The following RELN variants were observed in gnomAD, a reference collection of about 807,000 sequenced individuals.
RELN encodes reelin.
A neutral mutation model predicts 427.6 loss-of-function variants in RELN; 108 were observed. The ratio of observed to expected loss-of-function variants is 0.25; its 90% CI spans 0.22 to 0.30. RELN has a LOEUF of 0.30. Among genes scored for constraint, RELN ranks in the 10% least tolerant of loss-of-function variants. RELN has a pLI of 1.00. For synonymous variants in RELN, 1,524 were observed against 1,513.4 expected, an observed-to-expected ratio of 1.01 and a Z score of -0.16; for missense variants, 3,715 against 4,302.8, an observed-to-expected ratio of 0.86 and a Z score of 3.82.
chr7:103,907,353 TTGCAATAAGTTGAGATGATGTGCCAC>T (rs1795231764), intron 2 of RELN, among the ~76,000 whole-genome samples: 2 of 122,958 alleles, frequency 1.6e-5, no homozygotes, highest in Non-Finnish European at 1.6e-5. Flanking sequence ...GAGGTGGAGG[TTGCAATAAGTTGAGATGATGTGCCAC>T]TGCACTCCAG....
intron 31 of RELN, among the ~76,000 whole-genome samples, chr7:103,567,170 C>G (rs1176084618): frequency 6.6e-6 from 1 of 152,200 alleles, no homozygotes; most frequent in Non-Finnish European, 1.5e-5. Flanking sequence ...GCTGCTGACG[C>G]ACTAGGCAGT....
At chr7:103,744,282 A>G (rs2116033987) in intron 6 of RELN, among the ~76,000 whole-genome samples, 1 of 152,158 alleles carries the variant, frequency 6.6e-6, no homozygotes, top group South Asian at 2.1e-4. Context: ...ATGGAAATTT[A>G]TAGCACTAAA....
At chr7:103,677,432 A>C (rs1257094202) in intron 11 of RELN, among the ~76,000 whole-genome samples, 1 of 147,214 alleles carries the variant, frequency 6.8e-6, no homozygotes, top group African/African-American at 2.5e-5. Flanking sequence ...TAATAATAAT[A>C]ATAATAATAA....
chr7:103,905,555 C>A (rs959585128), intron 2 of RELN, among the ~76,000 whole-genome samples: 2 of 152,256 alleles, frequency 1.3e-5, no homozygotes, highest in East Asian at 1.9e-4. Context: ...CAGTCTATAC[C>A]CAAACACTTG....
At chr7:103,924,639 C>T (rs889269291) in intron 1 of RELN, among the ~76,000 whole-genome samples, 7 of 152,048 alleles carry the variant, frequency 4.6e-5, no homozygotes, top group African/African-American at 1.7e-4. Flanking sequence ...GGTACAGCAT[C>T]TCTGTGGAAC....
At chr7:103,664,676 T>G (rs772005156) in intron 11 of RELN, among the ~76,000 whole-genome samples, 2 of 152,180 alleles carry the variant, frequency 1.3e-5, no homozygotes, top group Non-Finnish European at 2.9e-5. Context: ...TTTGGCCTAT[T>G]AGATGATTAT....
Position 103,619,088 on chromosome 7 carries a change from G to A in RELN, c.2703-7285C>T, listed in dbSNP as rs370096519. Reference sequence around the variant, plus strand: ...TGCGCCACTGCACTCCAGCCTGGGCGACAGAGTGAGACTCCCTCTCAAATT... The same window carrying A: ...TGCGCCACTGCACTCCAGCCTGGGCAACAGAGTGAGACTCCCTCTCAAATT... On this transcript the variant is annotated intron_variant, in intron 20 of 64. Coordinates refer to ENST00000428762, the MANE Select transcript of RELN (RefSeq NM_005045.4). 3.2e-4 allele frequency among the ~76,000 whole-genome samples: 48 copies of A among 151,160 alleles called. No individual in the cohort carries two copies. In the South Asian group the frequency reaches 8.2e-3, roughly 26 times the overall value.
chr7:103,855,021 G>A (rs1304966405), intron 2 of RELN, among the ~76,000 whole-genome samples: 1 of 152,204 alleles, frequency 6.6e-6, no homozygotes, highest in Non-Finnish European at 1.5e-5. Flanking sequence ...GCATTTAAAT[G>A]TATAGAATCA....
At chr7:103,732,964 G>A (rs1286749985) in intron 6 of RELN, among the ~76,000 whole-genome samples, 1 of 151,854 alleles carries the variant, frequency 6.6e-6, no homozygotes, top group East Asian at 1.9e-4. Flanking sequence ...CATTGCTTTT[G>A]GTGTTTTAGA....
chr7:103,619,155 A>G (rs1253674088), intron 20 of RELN, among the ~76,000 whole-genome samples: 1 of 152,114 alleles, frequency 6.6e-6, no homozygotes, highest in Admixed American at 6.5e-5. Context: ...ATGCTATCCA[A>G]TGAAAACTCA....
At chr7:103,492,204 T>C (rs527781266) in intron 57 of RELN, among the ~76,000 whole-genome samples, 178 bp from the exon 58 acceptor site, 1 of 152,310 alleles carries the variant, frequency 6.6e-6, no homozygotes, top group Admixed American at 6.5e-5. Context: ...AGATGTTCAA[T>C]TTTGCATGGA....
chr7:103,749,418 T>TA lies in RELN; in HGVS notation c.656+7dup, dbSNP rs768445353. The TA allele has an allele frequency of 6.7e-5, 107 of 1,607,504 alleles. No homozygotes were observed. Among genetic ancestry groups the TA allele is most frequent in the Non-Finnish European group, 8.9e-5 (105 of 1,174,164 alleles). Reference sequence around the variant, plus strand: ...CAAACCAAAGTGAGGAATGTTCCTGTAACTTACCATATATTTGGATTTAAT... The same window carrying TA: ...CAAACCAAAGTGAGGAATGTTCCTGTAAACTTACCATATATTTGGATTTAAT... On this transcript the variant is annotated splice_region_variant and intron_variant, in intron 6 of 64. Transcript: ENST00000428762.
intron 1 of RELN, among the ~76,000 whole-genome samples, chr7:103,931,347 C>G (rs1584378176): frequency 6.6e-6 from 1 of 152,150 alleles, no homozygotes. Flanking sequence ...CCCAACTTAC[C>G]AATGCTTTGT....
intron 4 of RELN, among the ~76,000 whole-genome samples, chr7:103,768,879 C>T (rs997741829): frequency 5.9e-5 from 9 of 152,154 alleles, no homozygotes; most frequent in Admixed American, 1.3e-4. Context: ...ACAGCAGACT[C>T]GTCCCTTCTC....
intron 2 of RELN, among the ~76,000 whole-genome samples, chr7:103,843,935 G>T (rs1255941542): frequency 6.6e-6 from 1 of 152,126 alleles, no homozygotes; most frequent in Non-Finnish European, 1.5e-5. Context: ...ACAGCTGCAT[G>T]GTGGTAGATA....
chr7:103,766,862 C>T (rs577171484), intron 4 of RELN, among the ~76,000 whole-genome samples: 102 of 152,316 alleles, frequency 6.7e-4, no homozygotes, highest in African/African-American at 2.4e-3. Context: ...TAAGCCTGAC[C>T]TCTTTCCTCC....
intron 6 of RELN, among the ~76,000 whole-genome samples, chr7:103,744,823 T>C (rs897748760): frequency 1.1e-4 from 16 of 152,196 alleles, no homozygotes; most frequent in Non-Finnish European, 2.2e-4. Context: ...CACAGCCAAA[T>C]TCTGCCAGAG....
At chr7:103,945,493 G>A (rs1430204714) in intron 1 of RELN, among the ~76,000 whole-genome samples, 1 of 152,084 alleles carries the variant, frequency 6.6e-6, no homozygotes, top group African/African-American at 2.4e-5. Context: ...AGGCCTTCAT[G>A]TATGGTCCCC....
intron 1 of RELN, among the ~76,000 whole-genome samples, chr7:103,947,791 T>C (rs995501724): frequency 1.3e-5 from 2 of 152,210 alleles, no homozygotes; most frequent in African/African-American, 4.8e-5. Flanking sequence ...CTAGTGCATA[T>C]GTAAATGAGA....
Sources: allele counts gnomAD v4.1 joint callset (sites outside exome capture counted in the v4.1 genomes callset), GRCh38; gene constraint gnomAD v4.1.1; transcripts MANE v1.5; gene names NCBI Gene and HGNC (gene_info 2026-07-23, HGNC 2026-07-21).